PRKN: variants seen among roughly 807,000 people sequenced by gnomAD.
PRKN encodes E3 ubiquitin-protein ligase parkin.
PRKN carries 56 observed loss-of-function variants against 59.5 expected under a neutral mutation model. The ratio of observed to expected loss-of-function variants is 0.94; its 90% CI spans 0.76 to 1.18. PRKN has a LOEUF of 1.18. Ranked by LOEUF, PRKN falls within the 50% of genes most tolerant of loss-of-function variation. PRKN has a pLI of 0.00. For synonymous variants in PRKN, 250 were observed against 222.1 expected (o/e 1.13, Z -1.12); for missense variants, 657 against 596.4 (o/e 1.10, Z -1.06).
At chr6:162,657,690 A>C (rs1369154351) in intron 1 of PRKN, among the ~76,000 whole-genome samples, 45 of 152,132 alleles carry the variant, frequency 3.0e-4, no homozygotes. Flanking sequence ...AATCTTTCTC[A>C]TGGAAATCCA....
chr6:161,804,497 C>G (rs1458852495), intron 6 of PRKN, among the ~76,000 whole-genome samples: 2 of 152,202 alleles, frequency 1.3e-5, no homozygotes, highest in African/African-American at 4.8e-5. Flanking sequence ...TCTGAACTCC[C>G]TCTCCATCCC....
chr6:161,634,127 AT>A (rs1783424416), intron 7 of PRKN, among the ~76,000 whole-genome samples: 1 of 152,072 alleles, frequency 6.6e-6, no homozygotes, highest in Non-Finnish European at 1.5e-5. Flanking sequence ...GTTCTGTCCC[AT>A]AGGTGAGTCA....
At position 161,980,571 on chromosome 6, in the gene PRKN, TG is replaced by T. The variant is rs576154468; in HGVS notation, c.619-7155del. On this transcript the variant is annotated intron_variant, in intron 5 of 11. Coordinates refer to ENST00000366898, the MANE Select transcript of PRKN (RefSeq NM_004562.3). ...GCGTCATTATTGCACAGCTGCCATC[TG>T]GGGCTAGAGGACAATGGGAGAAGGT... Among the ~76,000 whole-genome samples, 17 of 152,320 alleles carry T rather than the reference TG, an allele frequency of 1.1e-4. No individual in the cohort carries two copies. In the South Asian group the frequency reaches 3.5e-3, roughly 32 times the overall value.
chr6:161,688,993 T>G (rs1368933634), intron 7 of PRKN, among the ~76,000 whole-genome samples: 1 of 152,212 alleles, frequency 6.6e-6, no homozygotes, highest in Non-Finnish European at 1.5e-5. Flanking sequence ...GGAAGCTTAT[T>G]GCCTTCCAAC....
At chr6:162,183,137 T>C (rs1293702254) in intron 4 of PRKN, among the ~76,000 whole-genome samples, 1 of 152,210 alleles carries the variant, frequency 6.6e-6, no homozygotes, top group Admixed American at 6.5e-5. Context: ...AGAAGCACGG[T>C]GCTACCTTCA....
intron 2 of PRKN, among the ~76,000 whole-genome samples, chr6:162,347,497 T>G (rs931010537): frequency 5.3e-5 from 8 of 152,092 alleles, no homozygotes; most frequent in Non-Finnish European, 1.0e-4. Context: ...CAAAGAATAC[T>G]GGGTATAAGA....
intron 4 of PRKN, among the ~76,000 whole-genome samples, chr6:162,128,930 T>A (rs1194068345): frequency 6.6e-6 from 1 of 152,234 alleles, no homozygotes; most frequent in Non-Finnish European, 1.5e-5. Context: ...ATTGCTGCTG[T>A]TTCTAAGCCA....
chr6:162,440,055 T>G (rs1168119935), intron 2 of PRKN, among the ~76,000 whole-genome samples: 1 of 152,130 alleles, frequency 6.6e-6, no homozygotes, highest in Non-Finnish European at 1.5e-5. Flanking sequence ...GAGGGAAAAG[T>G]ATGCCTACTC....
At chr6:162,003,239 C>T (rs1782127669) in intron 5 of PRKN, among the ~76,000 whole-genome samples, 2 of 151,420 alleles carry the variant, frequency 1.3e-5, no homozygotes, top group Admixed American at 6.6e-5. Context: ...TTGGACATGT[C>T]CAGTTTGGCG....
chr6:161,521,221 GACAA>G (rs1562501883), intron 9 of PRKN, among the ~76,000 whole-genome samples: 1 of 151,816 alleles, frequency 6.6e-6, no homozygotes, highest in East Asian at 1.9e-4. Context: ...ATAAGAGAGT[GACAA>G]ACAGTGACCA....
chr6:162,355,754 T>C (rs927017560), intron 2 of PRKN, among the ~76,000 whole-genome samples: 4 of 151,964 alleles, frequency 2.6e-5, no homozygotes, highest in African/African-American at 4.8e-5. Flanking sequence ...ATTCTAACAT[T>C]CATCTCAGGG....
chr6:162,540,768 T>C (rs1020070137), intron 1 of PRKN, among the ~76,000 whole-genome samples: 2 of 148,880 alleles, frequency 1.3e-5, no homozygotes, highest in Non-Finnish European at 3.0e-5. Flanking sequence ...GATTGCGCCA[T>C]TGCACTCCAG....
chr6:161,670,188 T>C (rs1253596071), intron 7 of PRKN, among the ~76,000 whole-genome samples: 1 of 152,146 alleles, frequency 6.6e-6, no homozygotes, highest in Non-Finnish European at 1.5e-5. Flanking sequence ...CTATCCTCTG[T>C]GCGCTTCCCA....
chr6:162,699,920 T>C (rs993127181), intron 1 of PRKN, among the ~76,000 whole-genome samples: 1 of 152,156 alleles, frequency 6.6e-6, no homozygotes, highest in African/African-American at 2.4e-5. Flanking sequence ...TTAAAACTCA[T>C]ATCCTAGAGG....
chr6:162,356,495 G>A (rs916419894), intron 2 of PRKN, among the ~76,000 whole-genome samples: 1 of 151,840 alleles, frequency 6.6e-6, no homozygotes, highest in African/African-American at 2.4e-5. Flanking sequence ...GACTACCATA[G>A]TAGACTACAA....
At chr6:161,704,795 G>T (rs1234148416) in intron 7 of PRKN, among the ~76,000 whole-genome samples, 2 of 152,068 alleles carry the variant, frequency 1.3e-5, no homozygotes, top group African/African-American at 4.8e-5. Flanking sequence ...GGGCTCAAAC[G>T]TTGCAATGAT....
At chr6:162,431,515 G>A (rs1187657481) in intron 2 of PRKN, among the ~76,000 whole-genome samples, 4 of 151,948 alleles carry the variant, frequency 2.6e-5, no homozygotes, top group Non-Finnish European at 5.9e-5. Context: ...CCAAGATCGC[G>A]CCACTGCACT....
chr6:161,450,952 C>A (rs1789716400), intron 9 of PRKN, among the ~76,000 whole-genome samples: 1 of 152,018 alleles, frequency 6.6e-6, no homozygotes, highest in Admixed American at 6.6e-5. Flanking sequence ...ACATAGAAGA[C>A]AACTGCAAAA....
At chr6:162,323,137 G>A (rs993728736) in intron 2 of PRKN, among the ~76,000 whole-genome samples, 2 of 150,988 alleles carry the variant, frequency 1.3e-5, no homozygotes, top group Non-Finnish European at 2.9e-5. Context: ...CGAGTTAGTG[G>A]GTGCAGCACA....
Sources: allele counts gnomAD v4.1 joint callset (sites outside exome capture counted in the v4.1 genomes callset), GRCh38; gene constraint gnomAD v4.1.1; transcripts MANE v1.5; gene names NCBI Gene and HGNC (gene_info 2026-07-23, HGNC 2026-07-21).